The following ABLIM1 variants were observed in gnomAD, a reference collection of about 807,000 sequenced individuals.
The protein encoded by ABLIM1 is actin binding LIM protein 1.
A neutral mutation model predicts 107.0 loss-of-function variants in ABLIM1; 40 were observed. That is an observed-to-expected ratio of 0.37 (90% CI 0.29 to 0.49). The LOEUF (loss-of-function observed/expected upper bound fraction) is 0.49, where lower values mean the gene tolerates loss of function less well. ABLIM1 is among the 20% of genes least tolerant of loss of function. ABLIM1 has a pLI of 0.97. For missense variants in ABLIM1, 857 were observed against 1,008.5 expected (o/e 0.85, Z 2.04); for synonymous variants, 357 against 357.3 (o/e 1.00, Z 0.01).
Position 114,439,784 on chromosome 10 carries a change from A to G in ABLIM1, c.2067+298T>C, listed in dbSNP as rs555549818. On this transcript the variant is annotated intron_variant, in intron 20 of 22. Coordinates refer to ENST00000533213, the MANE Select transcript of ABLIM1 (RefSeq NM_002313.7). ...TTATAATTAAAAGAAGAAAAACTGT[A>G]TATGAGCAGACCCTTGATGCTGGTC... 73 of 476,394 alleles carry G rather than the reference A, an allele frequency of 1.5e-4. No homozygotes were observed. The South Asian group carries it at 2.0e-3, about 13-fold the overall frequency. The allele number at this position is 476,394 out of a possible 1,614,324, so 29.5% of individuals were successfully genotyped here.
intron 2 of ABLIM1, among the ~76,000 whole-genome samples, chr10:114,583,472 T>TAC (rs2073832233): frequency 9.9e-5 from 1 of 10,110 alleles, no homozygotes; most frequent in Non-Finnish European, 2.2e-4. Flanking sequence ...CACACACATA[T>TAC]ATATATATAT....
At chr10:114,495,911 C>A (rs570353734) in intron 6 of ABLIM1, among the ~76,000 whole-genome samples, 2 of 152,148 alleles carry the variant, frequency 1.3e-5, no homozygotes, top group African/African-American at 4.8e-5. Flanking sequence ...CCACTAATAA[C>A]CATACAGTAT....
exon 1 of ABLIM1, chr10:114,684,628 C>G: frequency 2.5e-6 from 3 of 1,212,270 alleles, no homozygotes; most frequent in South Asian, 3.5e-5. Context: ...TAAAGAGACC[C>G]CTTGCAAAAG....
chr10:114,776,460 A>G, the ABLIM1 span, among the ~76,000 whole-genome samples: 1 of 151,798 alleles, frequency 6.6e-6, no homozygotes, highest in Admixed American at 6.6e-5. Context: ...TAAAAATACA[A>G]AAATTAGCCG....
chr10:114,444,102 T>C lies in ABLIM1; in HGVS notation c.1860A>G (p.Lys620=), dbSNP rs755825994. 2.5e-6 allele frequency: 4 copies of C among 1,612,302 alleles called. No homozygotes were observed. In the African/African-American group the frequency reaches 4.0e-5, roughly 16 times the overall value. Residue 620 remains lysine (K), a synonymous_variant, in exon 17 of 23, where the codon AAA becomes AAG. Transcript: ENST00000533213. The stretch of plus-strand genomic sequence containing the variant: ...CCCGGCTCTCTTTCTCCATCTCTTC[T>C]TTCAAGATCAACTGTCCCAGGCCTG... ...LNSGLGQLIL[K]EEMEKESRER... is the part of the protein sequence containing the mutation.
At chr10:114,690,645 G>C in intron 1 of ABLIM1, 1 of 689,960 alleles carries the variant, frequency 1.4e-6, no homozygotes, top group Non-Finnish European at 2.6e-6. Flanking sequence ...GACTATGGCT[G>C]ATACTACAGG....
intron 6 of ABLIM1, among the ~76,000 whole-genome samples, chr10:114,509,022 A>C (rs1177434617): frequency 1.3e-5 from 2 of 152,256 alleles, no homozygotes; most frequent in African/African-American, 4.8e-5. Flanking sequence ...CCCATGTTAC[A>C]GATGAGCAAA....
Position 114,444,152 on chromosome 10 carries a change from GAAAA to G in ABLIM1, c.1828-22_1828-19del, listed in dbSNP as rs11338035. 226 of 1,275,826 alleles carry G rather than the reference GAAAA, an allele frequency of 1.8e-4. 1 individual carries two copies. The highest frequency in any genetic ancestry group is 4.2e-4 in the South Asian group (28 of 66,988). 79.0% of individuals were successfully genotyped at this position (1,275,826 alleles called of 1,614,324 possible). On this transcript the variant is annotated intron_variant, in intron 16 of 22. Transcript: ENST00000533213. ...GAGTTAAGCTATTCACAGAAAAAAGGAAAAAAAAAAAAAAAAGAAAGCAAAGCTT... is the reference window on the plus strand; with the variant it reads ...GAGTTAAGCTATTCACAGAAAAAAGGAAAAAAAAAAAAGAAAGCAAAGCTT...
chr10:114,522,081 T>A lies in ABLIM1; in HGVS notation c.894+22924A>T, dbSNP rs142429777. On this transcript the variant is annotated intron_variant, in intron 6 of 22. Transcript: ENST00000533213. ...AAAGCCCAGAGATGGACAGTGTCTG[T>A]GCTTGAGGGGCAGAAAGAAGGCTAG... Among the ~76,000 whole-genome samples, 17 of 152,112 alleles carry A rather than the reference T, an allele frequency of 1.1e-4. No individual in the cohort carries two copies. The East Asian group carries it at 3.3e-3, about 29-fold the overall frequency.
chr10:114,794,837 T>C, the ABLIM1 span, among the ~76,000 whole-genome samples: 1 of 152,186 alleles, frequency 6.6e-6, no homozygotes, highest in Non-Finnish European at 1.5e-5. Flanking sequence ...AATCTATTTT[T>C]TTCAAGTATA....
At chr10:114,617,103 G>A (rs955664903) in intron 1 of ABLIM1, among the ~76,000 whole-genome samples, 1 of 152,136 alleles carries the variant, frequency 6.6e-6, no homozygotes, top group Non-Finnish European at 1.5e-5. Flanking sequence ...AGCCACCAAG[G>A]CAACTGAAGG....
At chr10:114,751,074 T>C (rs2082499975) in intron 1 of ABLIM1, among the ~76,000 whole-genome samples, 3 of 152,108 alleles carry the variant, frequency 2.0e-5, no homozygotes, top group African/African-American at 4.8e-5. Flanking sequence ...TATAAACAAG[T>C]GCTGCTTGGA....
intron 8 of ABLIM1, chr10:114,485,206 A>G: frequency 1.0e-6 from 1 of 968,650 alleles, no homozygotes; most frequent in Non-Finnish European, 1.5e-6. Flanking sequence ...GAGCCGAAGA[A>G]GTTATGTGAG....
chr10:114,561,461 T>C (rs544020170), intron 4 of ABLIM1, among the ~76,000 whole-genome samples: 6 of 152,326 alleles, frequency 3.9e-5, no homozygotes, highest in Admixed American at 3.9e-4. Flanking sequence ...TGCTTTTAAA[T>C]AGGTAAAAAC....
At chr10:114,633,201 G>C (rs1434174730) in intron 1 of ABLIM1, among the ~76,000 whole-genome samples, 2 of 152,198 alleles carry the variant, frequency 1.3e-5, no homozygotes, top group Non-Finnish European at 2.9e-5. Context: ...ATTGTAACAT[G>C]TTGAGTCTAA....
intron 6 of ABLIM1, among the ~76,000 whole-genome samples, chr10:114,504,938 T>C (rs912857010): frequency 6.6e-5 from 10 of 152,224 alleles, no homozygotes; most frequent in African/African-American, 2.2e-4. Flanking sequence ...TTGAGTCATA[T>C]GACATGGAGA....
chr10:114,659,063 A>G (rs1274358469), upstream of ABLIM1, among the ~76,000 whole-genome samples: 4 of 152,214 alleles, frequency 2.6e-5, no homozygotes, highest in African/African-American at 9.7e-5. Flanking sequence ...AAAAGTCCCA[A>G]GTCAAAATGA....
intron 6 of ABLIM1, among the ~76,000 whole-genome samples, chr10:114,516,016 A>G (rs2062754892): frequency 6.6e-6 from 1 of 152,200 alleles, no homozygotes; most frequent in South Asian, 2.1e-4. Context: ...TGGCTCCAAA[A>G]TACAGCTGGT....
intron 12 of ABLIM1, among the ~76,000 whole-genome samples, chr10:114,459,938 TA>T (rs2063523791): frequency 6.6e-6 from 1 of 152,144 alleles, no homozygotes; most frequent in Non-Finnish European, 1.5e-5. Context: ...TTTAGGAACA[TA>T]GGGGTGTTAT....
Sources: allele counts gnomAD v4.1 joint callset (sites outside exome capture counted in the v4.1 genomes callset), GRCh38; gene constraint gnomAD v4.1.1; transcripts MANE v1.5; gene names NCBI Gene and HGNC (gene_info 2026-07-23, HGNC 2026-07-21).